ZMYM2: variants seen among roughly 807,000 people sequenced by gnomAD.
ZMYM2 encodes zinc finger MYM-type protein 2.
In ZMYM2, 56 loss-of-function variants were observed where a neutral mutation model predicts 162.8. That is an observed-to-expected ratio of 0.34 (90% CI 0.28 to 0.43). ZMYM2 has a LOEUF of 0.43. ZMYM2 is among the 20% of genes least tolerant of loss of function. The pLI is 1.00. For missense variants in ZMYM2, 1,275 were observed against 1,621.8 expected (o/e 0.79, Z 3.67); for synonymous variants, 510 against 541.6 (o/e 0.94, Z 0.81).
intron 7 of ZMYM2, among the ~76,000 whole-genome samples, chr13:20,022,662 C>A (rs1594414799): frequency 6.6e-6 from 1 of 151,854 alleles, no homozygotes; most frequent in South Asian, 2.1e-4. Flanking sequence ...ATTTTTAAAC[C>A]GTTTTTTCTC....
chr13:19,882,716 C>T, the ZMYM2 span, among the ~76,000 whole-genome samples: 2 of 152,056 alleles, frequency 1.3e-5, no homozygotes, highest in African/African-American at 4.8e-5. Context: ...CACTGCATTC[C>T]AGCCTAAGCG....
intron 14 of ZMYM2, among the ~76,000 whole-genome samples, chr13:20,053,540 T>C (rs750851285): frequency 6.6e-6 from 1 of 152,074 alleles, no homozygotes; most frequent in Non-Finnish European, 1.5e-5. Context: ...TAATCCCAGC[T>C]ACTCAGGAGG....
chr13:19,931,921 A>T, the ZMYM2 span, among the ~76,000 whole-genome samples: 1 of 152,202 alleles, frequency 6.6e-6, no homozygotes, highest in African/African-American at 2.4e-5. Context: ...CACTACACCC[A>T]GTTCCTTATT....
intron 2 of ZMYM2, among the ~76,000 whole-genome samples, chr13:19,985,150 G>T (rs1949030611): frequency 6.6e-6 from 1 of 152,158 alleles, no homozygotes; most frequent in Non-Finnish European, 1.5e-5. Flanking sequence ...TTGAGACGGG[G>T]TTTCACTCTG....
chr13:20,030,312 C>T (rs1786306732), intron 9 of ZMYM2, among the ~76,000 whole-genome samples: 1 of 145,532 alleles, frequency 6.9e-6, no homozygotes, highest in African/African-American at 2.5e-5. Flanking sequence ...CTCACTGCAA[C>T]CTCCGCCTCC....
chr13:19,866,564 C>T, the ZMYM2 span, among the ~76,000 whole-genome samples: 1 of 152,130 alleles, frequency 6.6e-6, no homozygotes, highest in African/African-American at 2.4e-5. Context: ...ACTCGGGAGG[C>T]TGAGGCAGGA....
At chr13:20,084,495 G>A (rs1484401279) in intron 24 of ZMYM2, among the ~76,000 whole-genome samples, 1 of 152,168 alleles carries the variant, frequency 6.6e-6, no homozygotes, top group Non-Finnish European at 1.5e-5. Flanking sequence ...ATGTGGCTGT[G>A]TTATAATAAA....
chr13:19,974,525 G>A (rs1956614454), intron 2 of ZMYM2, among the ~76,000 whole-genome samples: 1 of 151,540 alleles, frequency 6.6e-6, no homozygotes, highest in Non-Finnish European at 1.5e-5. Context: ...GCCCAGGCTG[G>A]AGTGCAGTGG....
chr13:20,031,255 A>AG (rs1953106155), intron 9 of ZMYM2, 64 bp from the exon 10 acceptor site: 2 of 1,118,398 alleles, frequency 1.8e-6, no homozygotes, highest in Non-Finnish European at 2.6e-6. Context: ...GATATATGAC[A>AG]GTAATCACAA....
the ZMYM2 span, among the ~76,000 whole-genome samples, chr13:19,875,626 CAAAAAAAAAAAAA>C: frequency 7.3e-5 from 4 of 54,886 alleles, no homozygotes; most frequent in Non-Finnish European, 1.3e-4. Flanking sequence ...GACTCCATCG[CAAAAAAAAAAAAA>C]AAAAAAAAAA....
the ZMYM2 span, among the ~76,000 whole-genome samples, chr13:19,883,656 T>A: frequency 6.6e-6 from 1 of 152,210 alleles, no homozygotes; most frequent in Admixed American, 6.5e-5. Context: ...AATTTCTGAG[T>A]GCTTTACTAT....
chr13:20,038,261 T>A (rs992465007), intron 12 of ZMYM2, among the ~76,000 whole-genome samples: 2 of 152,246 alleles, frequency 1.3e-5, no homozygotes, highest in African/African-American at 4.8e-5. Flanking sequence ...TATGTGTGCA[T>A]GCTTTTTCTG....
At chr13:19,972,943 G>GTTT (rs67438402) in intron 2 of ZMYM2, among the ~76,000 whole-genome samples, 1 of 144,576 alleles carries the variant, frequency 6.9e-6, no homozygotes, top group African/African-American at 2.5e-5. Context: ...ATGTTTTTTT[G>GTTT]TTTTTTTTTT....
chr13:19,890,505 T>TAAAAAAAAAAAAAAAAAAAAAAAA, the ZMYM2 span, among the ~76,000 whole-genome samples: 11 of 98,452 alleles, frequency 1.1e-4, 1 homozygote, highest in African/African-American at 3.9e-4. Context: ...AGTGCTTTTG[T>TAAAAAAAAAAAAAAAAAAAAAAAA]AAAAAAAAAA....
At chr13:19,987,620 C>CGTGT (rs756005409) in intron 2 of ZMYM2, among the ~76,000 whole-genome samples, 41,490 of 121,148 alleles carry the variant, frequency 0.34, 8,401 homozygotes, top group East Asian at 0.61. Flanking sequence ...GGGGTTTTGT[C>CGTGT]GTGTGTGTGT....
At chr13:20,009,611 A>C (rs1251497352) in intron 6 of ZMYM2, among the ~76,000 whole-genome samples, 1 of 152,112 alleles carries the variant, frequency 6.6e-6, no homozygotes, top group Non-Finnish European at 1.5e-5. Flanking sequence ...TTCTGTCTCT[A>C]TGAATTCGTA....
chr13:19,909,263 A>G, the ZMYM2 span, among the ~76,000 whole-genome samples: 1 of 152,128 alleles, frequency 6.6e-6, no homozygotes, highest in African/African-American at 2.4e-5. Context: ...AATTACTTAA[A>G]AATCTTTCCA....
At chr13:19,929,424 G>A in the ZMYM2 span, among the ~76,000 whole-genome samples, 3 of 152,086 alleles carry the variant, frequency 2.0e-5, no homozygotes, top group Admixed American at 1.3e-4. Flanking sequence ...ATTTTTAGTA[G>A]AGATGGGGTT....
intron 9 of ZMYM2, among the ~76,000 whole-genome samples, chr13:20,029,028 A>C (rs1005636686): frequency 6.6e-6 from 1 of 152,216 alleles, no homozygotes; most frequent in African/African-American, 2.4e-5. Context: ...TATCTTCATT[A>C]GATATTTTCC....
Sources: gnomAD v4.1 joint callset for allele counts (sites outside exome capture counted in the v4.1 genomes callset) on GRCh38, gnomAD v4.1.1 for gene constraint, MANE v1.5 for transcripts, NCBI Gene and HGNC (gene_info 2026-07-23, HGNC 2026-07-21) for gene names.